The following FBXL20 variants were observed in gnomAD, a reference collection of about 807,000 sequenced individuals.
The protein encoded by FBXL20 is F-box/LRR-repeat protein 20.
In FBXL20, 11 loss-of-function variants were observed where a neutral mutation model predicts 64.0. That is an observed-to-expected ratio of 0.17 (90% CI 0.11 to 0.28). The LOEUF is 0.28. Ranked by LOEUF, FBXL20 falls within the 10% of genes least tolerant of loss-of-function variation. The probability of loss-of-function intolerance (pLI) is 1.00; values close to 1 mark genes in which losing one functional copy is unlikely to be tolerated. For synonymous variants in FBXL20, 184 were observed against 189.0 expected, an observed-to-expected ratio of 0.97 and a Z score of 0.22; for missense variants, 303 against 526.2, an observed-to-expected ratio of 0.58 and a Z score of 4.15.
At chr17:39,310,166 A>AAG (rs1252064861) in intron 2 of FBXL20, among the ~76,000 whole-genome samples, 1 of 149,098 alleles carries the variant, frequency 6.7e-6, no homozygotes, top group Non-Finnish European at 1.5e-5. Flanking sequence ...AAAAAAAAAA[A>AAG]AAGAAAAGAA....
intron 5 of FBXL20, among the ~76,000 whole-genome samples, chr17:39,298,753 T>G (rs1409571423): frequency 6.6e-6 from 1 of 152,056 alleles, no homozygotes; most frequent in Non-Finnish European, 1.5e-5. Flanking sequence ...TAAAAAAAAC[T>G]TATTCAAAGC....
At chr17:39,294,973 CAAAAA>C (rs575502876) in intron 6 of FBXL20, among the ~76,000 whole-genome samples, 1 of 151,830 alleles carries the variant, frequency 6.6e-6, no homozygotes, top group African/African-American at 2.4e-5. Flanking sequence ...CGTCTCAAAA[CAAAAA>C]AAGTTAATGC....
intron 1 of FBXL20, among the ~76,000 whole-genome samples, chr17:39,389,750 G>A (rs1232891265): frequency 7.9e-5 from 12 of 152,122 alleles, no homozygotes; most frequent in South Asian, 2.1e-4. Context: ...CCCAGGAGGC[G>A]GAACTTGCAG....
upstream of FBXL20, chr17:39,401,785 C>G (rs907971678): frequency 2.1e-6 from 2 of 959,106 alleles, no homozygotes. Flanking sequence ...CTCCCCCACA[C>G]GGGGCCGGCC....
intron 1 of FBXL20, among the ~76,000 whole-genome samples, chr17:39,343,682 C>T (rs927132560): frequency 2.0e-5 from 3 of 150,492 alleles, no homozygotes; most frequent in East Asian, 3.9e-4. Flanking sequence ...GCCCAGGCAA[C>T]GTGGCGAAAA....
intron 1 of FBXL20, among the ~76,000 whole-genome samples, chr17:39,383,161 CAA>C (rs544953840): frequency 2.2e-4 from 11 of 50,272 alleles, no homozygotes; most frequent in African/African-American, 2.2e-4. Flanking sequence ...GACTCTGTCT[CAA>C]AAAAAAAAAA....
intron 1 of FBXL20, among the ~76,000 whole-genome samples, chr17:39,396,665 T>C (rs1322807143): frequency 6.7e-6 from 1 of 149,368 alleles, no homozygotes; most frequent in South Asian, 2.1e-4. Context: ...AAGATTAATA[T>C]GCAGGTCTTG....
intron 14 of FBXL20, among the ~76,000 whole-genome samples, chr17:39,262,441 C>T (rs1018506407): frequency 2.0e-5 from 3 of 151,878 alleles, no homozygotes; most frequent in Non-Finnish European, 2.9e-5. Flanking sequence ...CCACCATGCT[C>T]GGCTAATTTT....
chr17:39,369,256 C>CTTT (rs72363930), intron 1 of FBXL20, among the ~76,000 whole-genome samples: 79 of 98,570 alleles, frequency 8.0e-4, no homozygotes, highest in Non-Finnish European at 1.1e-3. Flanking sequence ...GAATTCAATG[C>CTTT]TTTTTTTTTT....
intron 9 of FBXL20, among the ~76,000 whole-genome samples, chr17:39,279,755 G>A (rs927978300): frequency 2.0e-5 from 3 of 151,696 alleles, no homozygotes; most frequent in African/African-American, 7.3e-5. Flanking sequence ...AAAATTAGCT[G>A]AGTGTGGTGG....
intron 1 of FBXL20, among the ~76,000 whole-genome samples, chr17:39,379,406 G>C (rs536911779): frequency 6.6e-6 from 1 of 151,300 alleles, no homozygotes; most frequent in East Asian, 1.9e-4. Context: ...GGGAGGCTGA[G>C]GCGAGGGGAT....
intron 2 of FBXL20, among the ~76,000 whole-genome samples, chr17:39,320,026 GAC>G (rs1471666110): frequency 6.6e-6 from 1 of 152,164 alleles, no homozygotes; most frequent in African/African-American, 2.4e-5. Flanking sequence ...CTGTCCTTGA[GAC>G]AGTCACTGTT....
rs1012069729 is a variant in FBXL20 at position 39,253,663 on chromosome 17, G to T, written c.*7797C>A. 1 of 152,150 alleles carries T rather than the reference G, an allele frequency of 6.6e-6. No homozygotes were observed. Among genetic ancestry groups the T allele is most frequent in the Non-Finnish European group, 1.5e-5 (1 of 68,000 alleles). 9.4% of individuals were successfully genotyped at this position (152,150 alleles called of 1,614,324 possible). A position where few individuals can be genotyped will look rare whatever the true frequency, so the allele number is the denominator to read the frequency against. ...AGTAGGGTGAGGAGGGGAGTGAGAA[G>T]AAATCAAAAGCTCATCCCTTCCTGC... On this transcript the variant is annotated 3_prime_UTR_variant, in exon 15 of 15. Transcript: ENST00000264658.
At chr17:39,347,511 T>A (rs535549881) in intron 1 of FBXL20, among the ~76,000 whole-genome samples, 49 of 152,338 alleles carry the variant, frequency 3.2e-4, no homozygotes, top group Non-Finnish European at 6.2e-4. Context: ...TCTGTTCATA[T>A]CCTTTGCCCA....
intron 1 of FBXL20, among the ~76,000 whole-genome samples, chr17:39,366,280 T>A (rs908970029): frequency 9.9e-5 from 15 of 152,212 alleles, no homozygotes; most frequent in African/African-American, 3.6e-4. Flanking sequence ...TAGGCTATCA[T>A]ATTTTTTTCT....
chr17:39,263,914 G>T (rs2046769758), intron 14 of FBXL20: 8 of 294,016 alleles, frequency 2.7e-5, no homozygotes, highest in South Asian at 6.7e-5. Context: ...ATGTTATTAA[G>T]CCCTAGACAT....
At chr17:39,338,887 C>T (rs1348922959) in intron 2 of FBXL20, among the ~76,000 whole-genome samples, 2 of 152,024 alleles carry the variant, frequency 1.3e-5, no homozygotes, top group Non-Finnish European at 2.9e-5. Flanking sequence ...ATTATCAACC[C>T]TGGGTAAAAC....
At chr17:39,318,618 T>C (rs1219124685) in intron 2 of FBXL20, among the ~76,000 whole-genome samples, 2 of 152,078 alleles carry the variant, frequency 1.3e-5, no homozygotes, top group Non-Finnish European at 2.9e-5. Context: ...CGCATGCCTG[T>C]AATCCTAGCT....
intron 11 of FBXL20, among the ~76,000 whole-genome samples, chr17:39,269,440 G>A (rs1364424511): frequency 9.9e-5 from 15 of 151,090 alleles, no homozygotes; most frequent in Non-Finnish European, 2.1e-4. Context: ...TGATCCGCCC[G>A]CCTCGGCCTC....
Sources: gnomAD v4.1 joint callset for allele counts (sites outside exome capture counted in the v4.1 genomes callset) on GRCh38, gnomAD v4.1.1 for gene constraint, MANE v1.5 for transcripts, NCBI Gene and HGNC (gene_info 2026-07-23, HGNC 2026-07-21) for gene names.